Variants in ADORA2B observed in about 807,000 individuals in gnomAD.
ADORA2B encodes the protein adenosine A2b receptor.
Under a neutral mutation model 20.8 loss-of-function variants are expected in ADORA2B, and 18 were observed. The ratio of observed to expected loss-of-function variants is 0.87; its 90% CI spans 0.60 to 1.29. The LOEUF (loss-of-function observed/expected upper bound fraction) is 1.29, where lower values mean the gene tolerates loss of function less well. Among genes scored for constraint, ADORA2B ranks in the 50% most tolerant of loss-of-function variants. ADORA2B has a pLI of 0.00. For synonymous variants in ADORA2B, 179 were observed against 178.3 expected, an observed-to-expected ratio of 1.00 and a Z score of -0.03; for missense variants, 441 against 422.7, an observed-to-expected ratio of 1.04 and a Z score of -0.38.
At chr17:15,884,150 GTCAT>G in the ADORA2B span, among the ~76,000 whole-genome samples, 1 of 152,164 alleles carries the variant, frequency 6.6e-6, no homozygotes, top group Admixed American at 6.5e-5. Context: ...TCCTCCAGAT[GTCAT>G]GAAGGACCTA....
chr17:15,933,116 C>T, the ADORA2B span, among the ~76,000 whole-genome samples: 4 of 152,018 alleles, frequency 2.6e-5, no homozygotes, highest in African/African-American at 7.3e-5. Flanking sequence ...CTACCACGCC[C>T]GACTAATTTT....
chr17:15,900,481 C>G, the ADORA2B span, among the ~76,000 whole-genome samples: 1 of 151,176 alleles, frequency 6.6e-6, no homozygotes, highest in African/African-American at 2.4e-5. Flanking sequence ...AGGGTCTTGC[C>G]CTGTCGCCCA....
the ADORA2B span, chr17:15,850,395 C>A: frequency 6.6e-5 from 10 of 152,156 alleles, 1 homozygote; most frequent in African/African-American, 2.4e-4. Context: ...TCAGCTAACT[C>A]CTCCTCCCCT....
At chr17:15,970,700 G>A (rs927366329) in intron 1 of ADORA2B, among the ~76,000 whole-genome samples, 6 of 152,164 alleles carry the variant, frequency 3.9e-5, no homozygotes, top group Admixed American at 2.6e-4. Context: ...ATCAGCAATC[G>A]AAACATTTAA....
the ADORA2B span, among the ~76,000 whole-genome samples, chr17:15,869,486 G>T: frequency 6.6e-6 from 1 of 152,068 alleles, no homozygotes; most frequent in East Asian, 1.9e-4. Flanking sequence ...TGTATCAAAG[G>T]TTATATTATG....
At chr17:15,970,081 C>T (rs1970171993) in intron 1 of ADORA2B, among the ~76,000 whole-genome samples, 1 of 152,216 alleles carries the variant, frequency 6.6e-6, no homozygotes, top group South Asian at 2.1e-4. Flanking sequence ...GCATCCAGTT[C>T]ATTTTGGTAT....
chr17:15,890,036 A>G, the ADORA2B span, among the ~76,000 whole-genome samples: 1 of 130,480 alleles, frequency 7.7e-6, no homozygotes, highest in Non-Finnish European at 1.6e-5. Context: ...CTGGACGCCT[A>G]GATGTGATAT....
chr17:15,899,199 C>A, the ADORA2B span, among the ~76,000 whole-genome samples: 101 of 151,478 alleles, frequency 6.7e-4, no homozygotes, highest in African/African-American at 2.3e-3. Flanking sequence ...CACTGCACTC[C>A]AGCCTGGGTG....
chr17:15,975,625 C>CTTGT lies in ADORA2B; in HGVS notation c.*286_*289dup. The CTTGT allele has an allele frequency of 2.5e-6, 1 of 403,856 alleles. No individual in the cohort carries two copies. Among genetic ancestry groups the CTTGT allele is most frequent in the Non-Finnish European group, 4.4e-6 (1 of 225,176 alleles). 25.0% of individuals were successfully genotyped at this position (403,856 alleles called of 1,614,324 possible). On this transcript the variant is annotated 3_prime_UTR_variant, in exon 2 of 2. Transcript: ENST00000304222. ...GACTCTTTTGTTTTTAAAAGTCTGC[C>CTTGT]TTGTTTATGGTGGAAAATTACTGAA...
the ADORA2B span, among the ~76,000 whole-genome samples, chr17:15,926,360 G>A: frequency 1.3e-5 from 2 of 151,926 alleles, no homozygotes; most frequent in South Asian, 4.2e-4. Flanking sequence ...GCAGAGCAAG[G>A]CAAGGAAAGA....
chr17:15,873,772 G>A, the ADORA2B span, among the ~76,000 whole-genome samples: 1 of 152,102 alleles, frequency 6.6e-6, no homozygotes, highest in African/African-American at 2.4e-5. Flanking sequence ...TGGGGAAAAG[G>A]GAACGCTTAT....
the ADORA2B span, among the ~76,000 whole-genome samples, chr17:15,922,083 TA>T: frequency 2.0e-5 from 3 of 152,188 alleles, no homozygotes; most frequent in African/African-American, 4.8e-5. Flanking sequence ...TAACTCTGAA[TA>T]GATTCAAACA....
the ADORA2B span, among the ~76,000 whole-genome samples, chr17:15,871,873 G>A: frequency 6.6e-6 from 1 of 152,098 alleles, no homozygotes; most frequent in Admixed American, 6.6e-5. Context: ...GCATAGCTGT[G>A]GCCATGACTT....
At chr17:15,851,140 T>G in the ADORA2B span, among the ~76,000 whole-genome samples, 4 of 151,794 alleles carry the variant, frequency 2.6e-5, no homozygotes, top group African/African-American at 9.7e-5. Context: ...TATGCAATTT[T>G]TTGACCACTA....
intron 1 of ADORA2B, among the ~76,000 whole-genome samples, chr17:15,946,110 G>T (rs1376733415): frequency 6.6e-6 from 1 of 152,214 alleles, no homozygotes; most frequent in African/African-American, 2.4e-5. Flanking sequence ...GAATGGACAC[G>T]CATGAGCCAG....
chr17:15,951,638 G>A (rs1969903201), intron 1 of ADORA2B, among the ~76,000 whole-genome samples: 1 of 152,238 alleles, frequency 6.6e-6, no homozygotes, highest in Non-Finnish European at 1.5e-5. Flanking sequence ...GTCTGATTTG[G>A]TCAGTGAGGT....
the ADORA2B span, among the ~76,000 whole-genome samples, chr17:15,902,801 G>C: frequency 1.3e-5 from 2 of 152,186 alleles, no homozygotes; most frequent in Admixed American, 6.5e-5. Flanking sequence ...TTCCTCAGTA[G>C]CCTTGAAGTT....
chr17:15,925,119 T>A, the ADORA2B span, among the ~76,000 whole-genome samples: 5 of 152,184 alleles, frequency 3.3e-5, no homozygotes, highest in Non-Finnish European at 7.3e-5. Context: ...CACAGCAACC[T>A]CCACCTCCCG....
chr17:15,967,820 C>G (rs1052371816), intron 1 of ADORA2B, among the ~76,000 whole-genome samples: 1 of 152,200 alleles, frequency 6.6e-6, no homozygotes, highest in South Asian at 2.1e-4. Flanking sequence ...ACCTTTTCGT[C>G]GTAGCCCTTT....
Sources: allele counts gnomAD v4.1 joint callset (sites outside exome capture counted in the v4.1 genomes callset), GRCh38; gene constraint gnomAD v4.1.1; transcripts MANE v1.5; gene names NCBI Gene and HGNC (gene_info 2026-07-23, HGNC 2026-07-21).